The following JUP variants were observed in gnomAD, a reference collection of about 807,000 sequenced individuals.
JUP encodes the protein junction plakoglobin, also known as catenin (cadherin-associated protein), gamma 80kDa.
Under a neutral mutation model 71.1 loss-of-function variants are expected in JUP, and 28 were observed. The observed-to-expected ratio is 0.39, with a 90% CI of 0.29 to 0.54. The LOEUF (loss-of-function observed/expected upper bound fraction) is 0.54. Among genes scored for constraint, JUP ranks in the 20% least tolerant of loss-of-function variants. JUP has a pLI of 0.62. For synonymous variants in JUP, 401 were observed against 438.9 expected, an observed-to-expected ratio of 0.91 and a Z score of 1.08; for missense variants, 869 against 1,030.1, an observed-to-expected ratio of 0.84 and a Z score of 2.14.
intron 2 of JUP, 83 bp downstream of exon 2, chr17:41,771,564 C>G: frequency 7.7e-7 from 1 of 1,301,228 alleles, no homozygotes; most frequent in Non-Finnish European, 1.1e-6. Context: ...AGACCCCCTA[C>G]AATCTGCCTC....
intron 8 of JUP, among the ~76,000 whole-genome samples, chr17:41,761,226 G>T (rs1450630002): frequency 1.3e-5 from 2 of 152,174 alleles, no homozygotes; most frequent in African/African-American, 4.8e-5. Context: ...TCTGTGCCCT[G>T]TGTCTCTGTA....
intron 2 of JUP, chr17:41,771,316 G>A (rs945675801): frequency 5.4e-6 from 2 of 372,974 alleles, no homozygotes; most frequent in East Asian, 6.2e-5. Flanking sequence ...ACAGGCATGA[G>A]CCACCGTACC....
chr17:41,764,306 G>A (rs961547486), intron 7 of JUP, among the ~76,000 whole-genome samples: 15 of 152,254 alleles, frequency 9.9e-5, no homozygotes, highest in Admixed American at 2.6e-4. Context: ...AGGCCAAGGC[G>A]GGTGGATCAC....
intron 1 of JUP, among the ~76,000 whole-genome samples, chr17:41,775,092 C>A (rs1372289181): frequency 1.3e-5 from 2 of 149,678 alleles, no homozygotes; most frequent in South Asian, 2.1e-4. Context: ...GACAACAGAG[C>A]AAGACCCTGT....
In JUP at chr17:41,763,167, A is replaced by C. The variant is rs1915170984; in HGVS notation, c.1313T>G (p.Leu438Arg). The change falls in exon 8 of 14, where the codon CTC (leucine) becomes CGC (arginine). Residue 438 changes from leucine (L) to arginine (R), a missense_variant. Coordinates refer to ENST00000393931, the MANE Select transcript of JUP (RefSeq NM_002230.4). The stretch of plus-strand genomic sequence containing the variant: ...ACCAGCACGCAGGATGGCATGGATG[A>C]GAGCCTCCACACCGCTGTTCTGTGT... ...LVTQNSGVEA[L>R]IHAILRAGDK... 1 of 1,614,124 alleles carries C rather than the reference A, an allele frequency of 6.2e-7. No homozygotes were observed. Among genetic ancestry groups the C allele is most frequent in the African/African-American group, 1.3e-5 (1 of 74,940 alleles).
chr17:41,756,263 C>G, intron 12 of JUP, 49 bp from the exon 13 acceptor site: 1 of 1,581,804 alleles, frequency 6.3e-7, no homozygotes, highest in Non-Finnish European at 8.7e-7. Flanking sequence ...AATGCAGGCT[C>G]CGAGCTGGAT....
Position 41,771,678 on chromosome 17 carries a change from G to A in JUP, c.177C>T (p.Thr59=), listed in dbSNP as rs1916669347. 3 of 1,613,798 alleles carry A rather than the reference G, an allele frequency of 1.9e-6. No homozygotes were observed. Among genetic ancestry groups the A allele is most frequent in the Non-Finnish European group, 2.5e-6 (3 of 1,180,036 alleles). Residue 59 remains threonine (T), a synonymous_variant, in exon 2 of 14, where the codon ACC becomes ACT. Transcript: ENST00000393931. The part of the protein sequence containing the change: ...CGRQYTLKKT[T]TYTQGVPPSQ... The stretch of plus-strand genomic sequence containing the variant: ...TGGGGGGCACCCCCTGGGTGTAAGT[G>A]GTGGTTTTCTTGAGCGTGTACTGGC...
chr17:41,771,564 C>CAATCT, intron 2 of JUP, 83 bp downstream of exon 2: 2 of 1,301,228 alleles, frequency 1.5e-6, no homozygotes. Context: ...AGACCCCCTA[C>CAATCT]AATCTGCCTC....
At chr17:41,770,031 G>A (rs1385377209) in intron 2 of JUP, among the ~76,000 whole-genome samples, 1 of 151,728 alleles carries the variant, frequency 6.6e-6, no homozygotes, top group African/African-American at 2.4e-5. Flanking sequence ...CCACTTTACA[G>A]ATGGGAAAAC....
chr17:41,766,379 T>A (rs1329495611), intron 5 of JUP, among the ~76,000 whole-genome samples: 3 of 151,932 alleles, frequency 2.0e-5, no homozygotes, highest in Admixed American at 2.0e-4. Context: ...AATCTGTCAT[T>A]ATTAGAGGGT....
chr17:41,781,184 CAAAAAAAAA>C (rs781830763), intron 1 of JUP, among the ~76,000 whole-genome samples: 1 of 61,608 alleles, frequency 1.6e-5, no homozygotes, highest in African/African-American at 5.7e-5. Context: ...GACTCCGTCT[CAAAAAAAAA>C]AAAAAAAAAA....
At chr17:41,763,367 C>T (rs200949414) in intron 7 of JUP, 46 bp from the exon 8 acceptor site, 5 of 1,440,990 alleles carry the variant, frequency 3.5e-6, no homozygotes, top group South Asian at 2.3e-5. Context: ...CAGCCAACTC[C>T]AGGGAGCCTT....
chr17:41,779,719 A>G (rs1372801933), intron 1 of JUP, among the ~76,000 whole-genome samples: 1 of 151,606 alleles, frequency 6.6e-6, no homozygotes, highest in Non-Finnish European at 1.5e-5. Flanking sequence ...AAGCTGGAGT[A>G]TAGTGGCACA....
chr17:41,786,305 G>A (rs960737291), intron 1 of JUP: 5 of 152,402 alleles, frequency 3.3e-5, no homozygotes, highest in Admixed American at 6.5e-5. Flanking sequence ...GGCGTCGGGC[G>A]AGCTGCGCGG....
chr17:41,784,762 A>G (rs1597876614), intron 1 of JUP, among the ~76,000 whole-genome samples: 1 of 151,818 alleles, frequency 6.6e-6, no homozygotes, highest in African/African-American at 2.4e-5. Context: ...TACAACAAAG[A>G]AAGAGGTGGT....
At chr17:41,780,836 G>A (rs2047123300) in intron 1 of JUP, among the ~76,000 whole-genome samples, 1 of 152,120 alleles carries the variant, frequency 6.6e-6, no homozygotes, top group African/African-American at 2.4e-5. Context: ...CCTGAGGTCA[G>A]GAGTTCAAGA....
Position 41,781,263 on chromosome 17 carries a change from G to A in JUP, c.-9+5325C>T, listed in dbSNP as rs538395016. 7.9e-3 allele frequency among the ~76,000 whole-genome samples: 1,203 copies of A among 151,746 alleles called. 11 individuals carry two copies. Among genetic ancestry groups the A allele is most frequent in the African/African-American group, 0.026 (1,083 of 41,360 alleles). On this transcript the variant is annotated intron_variant, in intron 1 of 13. Coordinates refer to ENST00000393931, the MANE Select transcript of JUP (RefSeq NM_002230.4). ...CCAGCTACGCGGGAGGCTGAGACAGGAGAATCACCTGAACCCGGGAGATGG... is the reference window on the plus strand; with the variant it reads ...CCAGCTACGCGGGAGGCTGAGACAGAAGAATCACCTGAACCCGGGAGATGG...
In JUP at chr17:41,762,964, C is replaced by G; in HGVS notation, c.1497+19G>C. The G allele has an allele frequency of 6.2e-7, 1 of 1,610,930 alleles. No individual in the cohort carries two copies. The highest frequency in any genetic ancestry group is 8.5e-7 in the Non-Finnish European group (1 of 1,178,216). Reference sequence around the variant, plus strand: ...AAGCCTGCTGCAGGGAGCTCCTTCCCCTCGCCTAACAGCAGTACCTTGACC... The same window carrying G: ...AAGCCTGCTGCAGGGAGCTCCTTCCGCTCGCCTAACAGCAGTACCTTGACC... On this transcript the variant is annotated intron_variant, in intron 8 of 13. Transcript: ENST00000393931.
At chr17:41,757,316 C>A in intron 12 of JUP, 99 bp downstream of exon 12, 1 of 1,293,510 alleles carries the variant, frequency 7.7e-7, no homozygotes, top group Non-Finnish European at 1.1e-6. Context: ...AAATAAAAAT[C>A]TATGAAGTTG....
Sources: allele counts gnomAD v4.1 joint callset (sites outside exome capture counted in the v4.1 genomes callset), GRCh38; gene constraint gnomAD v4.1.1; transcripts MANE v1.5; gene names NCBI Gene and HGNC (gene_info 2026-07-23, HGNC 2026-07-21).